The following ENOX1 variants were observed in gnomAD, a reference collection of about 807,000 sequenced individuals.
The protein encoded by ENOX1 is ecto-NOX disulfide-thiol exchanger 1.
In ENOX1, 42 loss-of-function variants were observed where a neutral mutation model predicts 82.5. The observed-to-expected ratio is 0.51, with a 90% CI of 0.40 to 0.66. ENOX1 has a LOEUF of 0.66. ENOX1 is among the 30% of genes least tolerant of loss of function. The pLI is 0.00. For missense variants in ENOX1, 608 were observed against 811.6 expected (o/e 0.75, Z 3.05); for synonymous variants, 271 against 282.2 (o/e 0.96, Z 0.40).
chr13:43,438,964 C>G (rs917795097), intron 3 of ENOX1, among the ~76,000 whole-genome samples: 3 of 151,668 alleles, frequency 2.0e-5, no homozygotes, highest in Admixed American at 6.6e-5. Context: ...TTTGAAGAAG[C>G]AGCTGGTTGA....
chr13:43,453,010 C>T (rs1010727549), intron 3 of ENOX1, among the ~76,000 whole-genome samples: 1 of 152,134 alleles, frequency 6.6e-6, no homozygotes, highest in Non-Finnish European at 1.5e-5. Flanking sequence ...TAGAAAGAAA[C>T]CTGAACTAAG....
At chr13:43,218,446 G>A (rs1425845539) in intron 16 of ENOX1, among the ~76,000 whole-genome samples, 1 of 152,172 alleles carries the variant, frequency 6.6e-6, no homozygotes, top group Non-Finnish European at 1.5e-5. Context: ...GGGCAACATA[G>A]AGAGACCCAA....
intron 5 of ENOX1, among the ~76,000 whole-genome samples, chr13:43,368,365 T>A (rs1594176083): frequency 6.6e-6 from 1 of 152,208 alleles, no homozygotes; most frequent in Non-Finnish European, 1.5e-5. Context: ...TTTGAAAATA[T>A]GACATGACAC....
chr13:43,589,292 G>C (rs567924540), intron 2 of ENOX1, among the ~76,000 whole-genome samples: 1 of 149,140 alleles, frequency 6.7e-6, no homozygotes, highest in Non-Finnish European at 1.5e-5. Context: ...TAAATTCAAC[G>C]GGTACTAGAA....
At chr13:43,655,535 T>C (rs1172464607) in intron 2 of ENOX1, among the ~76,000 whole-genome samples, 2 of 152,190 alleles carry the variant, frequency 1.3e-5, no homozygotes, top group Non-Finnish European at 2.9e-5. Context: ...ACTGTCTTCC[T>C]CCTGTCTGAG....
intron 5 of ENOX1, among the ~76,000 whole-genome samples, chr13:43,378,055 A>T (rs1229054631): frequency 6.6e-6 from 1 of 152,228 alleles, no homozygotes; most frequent in East Asian, 1.9e-4. Context: ...TACTCTGGCA[A>T]GGAGAGAGTA....
chr13:43,591,881 CTT>C (rs1254708024), intron 2 of ENOX1, among the ~76,000 whole-genome samples: 4 of 152,040 alleles, frequency 2.6e-5, no homozygotes, highest in African/African-American at 4.8e-5. Context: ...CCCATGGAAA[CTT>C]TGAAGGCAAA....
chr13:43,772,550 A>G (rs1273318170), intron 1 of ENOX1, among the ~76,000 whole-genome samples: 1 of 152,088 alleles, frequency 6.6e-6, no homozygotes, highest in East Asian at 1.9e-4. Flanking sequence ...GGAGTTTGAG[A>G]CCAGCCTGGC....
At chr13:43,727,085 T>G (rs2089027108) in intron 1 of ENOX1, among the ~76,000 whole-genome samples, 1 of 152,184 alleles carries the variant, frequency 6.6e-6, no homozygotes, top group Admixed American at 6.5e-5. Flanking sequence ...CACTTCTTAG[T>G]GTTTGTTCTC....
intron 5 of ENOX1, among the ~76,000 whole-genome samples, chr13:43,367,197 A>C (rs2050904937): frequency 6.6e-6 from 1 of 152,224 alleles, no homozygotes; most frequent in African/African-American, 2.4e-5. Flanking sequence ...TGAGACATTT[A>C]AATAAAAGGT....
At chr13:43,262,979 T>A (rs948806713) in intron 14 of ENOX1, among the ~76,000 whole-genome samples, 3 of 152,180 alleles carry the variant, frequency 2.0e-5, no homozygotes, top group African/African-American at 7.2e-5. Flanking sequence ...CTCGTCTCTT[T>A]TGACCACCAC....
chr13:43,328,590 G>A (rs138820773), intron 9 of ENOX1, among the ~76,000 whole-genome samples: 307 of 152,248 alleles, frequency 2.0e-3, no homozygotes, highest in African/African-American at 6.5e-3. Flanking sequence ...ATAAAAACGT[G>A]TAAGGGGCCA....
intron 3 of ENOX1, among the ~76,000 whole-genome samples, chr13:43,478,666 A>G (rs925930041): frequency 6.6e-6 from 1 of 152,318 alleles, no homozygotes. Context: ...CCTTTAGTCC[A>G]GTTCTCATTT....
At chr13:43,315,544 A>AT (rs1236235341) in intron 11 of ENOX1, among the ~76,000 whole-genome samples, 2 of 152,170 alleles carry the variant, frequency 1.3e-5, no homozygotes, top group Non-Finnish European at 2.9e-5. Flanking sequence ...AAATATCCTG[A>AT]TTTTTTCTAG....
chr13:43,417,369 T>C (rs1463292891), intron 3 of ENOX1, among the ~76,000 whole-genome samples: 3 of 152,210 alleles, frequency 2.0e-5, no homozygotes, highest in Non-Finnish European at 4.4e-5. Context: ...GAATTTCCAA[T>C]AGTCTCAAGG....
At chr13:43,284,828 A>G (rs1365095129) in intron 12 of ENOX1, among the ~76,000 whole-genome samples, 1 of 150,618 alleles carries the variant, frequency 6.6e-6, no homozygotes, top group African/African-American at 2.5e-5. Context: ...GAGAGAGGGG[A>G]GATAGGAATA....
At chr13:43,400,598 C>A (rs1486309077) in intron 5 of ENOX1, among the ~76,000 whole-genome samples, 5 of 152,142 alleles carry the variant, frequency 3.3e-5, no homozygotes, top group African/African-American at 1.2e-4. Flanking sequence ...TCATAGAAGT[C>A]TACTTGATGT....
intron 3 of ENOX1, among the ~76,000 whole-genome samples, chr13:43,443,706 C>T (rs1160146235): frequency 1.3e-5 from 2 of 152,034 alleles, no homozygotes; most frequent in African/African-American, 4.8e-5. Context: ...GAGCGAGGAT[C>T]CTGGAAGGCA....
At position 43,710,997 on chromosome 13, in the gene ENOX1, T is replaced by C. The variant is rs1034900400; in HGVS notation, c.-284-43453A>G. On this transcript the variant is annotated intron_variant, in intron 1 of 16. Coordinates refer to ENST00000690772, the MANE Select transcript of ENOX1 (RefSeq NM_001347969.2). ...TTGTTACATATGTATACATGTGCCA[T>C]GTTGGTGTGCTGCTGCACCCACTAA... 3.9e-5 allele frequency among the ~76,000 whole-genome samples: 6 copies of C among 152,090 alleles called. No homozygotes were observed. The South Asian group carries it at 1.0e-3, about 26-fold the overall frequency.
Sources: gnomAD v4.1 joint callset for allele counts (sites outside exome capture counted in the v4.1 genomes callset) on GRCh38, gnomAD v4.1.1 for gene constraint, MANE v1.5 for transcripts, NCBI Gene and HGNC (gene_info 2026-07-23, HGNC 2026-07-21) for gene names.